DTD1: variants seen among roughly 807,000 people sequenced by gnomAD.
The protein encoded by DTD1 is D-aminoacyl-tRNA deacylase 1.
Under a neutral mutation model 25.6 loss-of-function variants are expected in DTD1, and 13 were observed. The ratio of observed to expected loss-of-function variants is 0.51; its 90% confidence interval spans 0.33 to 0.81. DTD1 has a LOEUF of 0.81. Among genes scored for constraint, DTD1 ranks in the 30% least tolerant of loss-of-function variants. The pLI is 0.02. For missense variants in DTD1, 193 were observed against 266.4 expected, an observed-to-expected ratio of 0.72 and a Z score of 1.92; for synonymous variants, 110 against 103.6, an observed-to-expected ratio of 1.06 and a Z score of -0.37.
Position 18,594,487 on chromosome 20 carries a change from T to G in DTD1, c.134+666T>G, listed in dbSNP as rs528303601. 3.3e-5 allele frequency among the ~76,000 whole-genome samples: 5 copies of G among 152,272 alleles called. No individual in the cohort carries two copies. In the South Asian group the frequency reaches 1.0e-3, roughly 32 times the overall value. ...AAATCCTGCTTAATGATTGTTCACT[T>G]TATAGCTCCCATTCATTCCAGACAT... On this transcript the variant is annotated intron_variant, in intron 2 of 5. Transcript: ENST00000377452.
At chr20:18,747,687 C>T (rs950634183) in intron 5 of DTD1, among the ~76,000 whole-genome samples, 3 of 152,092 alleles carry the variant, frequency 2.0e-5, no homozygotes, top group African/African-American at 7.2e-5. Context: ...AATAGTCTTT[C>T]CTGCAGTGAA....
chr20:18,688,286 C>T (rs1191618522), intron 4 of DTD1, among the ~76,000 whole-genome samples: 6 of 152,230 alleles, frequency 3.9e-5, no homozygotes, highest in Admixed American at 3.9e-4. Flanking sequence ...ACCCTCTCCT[C>T]ACTGAGTCTT....
At chr20:18,761,227 G>C (rs1350465376) in intron 5 of DTD1, among the ~76,000 whole-genome samples, 1 of 152,046 alleles carries the variant, frequency 6.6e-6, no homozygotes, top group Non-Finnish European at 1.5e-5. Flanking sequence ...TGCAGCTACT[G>C]TCCTGCATCC....
At chr20:18,704,001 C>CTTTTTTTT (rs201452682) in intron 4 of DTD1, among the ~76,000 whole-genome samples, 1 of 135,222 alleles carries the variant, frequency 7.4e-6, no homozygotes, top group African/African-American at 2.8e-5. Context: ...TAGTTGGTAG[C>CTTTTTTTT]TTTTTTTTTT....
At chr20:18,673,238 T>G (rs183996646) in intron 4 of DTD1, among the ~76,000 whole-genome samples, 268 of 152,348 alleles carry the variant, frequency 1.8e-3, no homozygotes, top group Middle Eastern at 0.01. Context: ...AATTAATGTT[T>G]TTTCCTCATA....
chr20:18,639,651 C>T (rs571382062), intron 4 of DTD1, among the ~76,000 whole-genome samples: 21 of 152,224 alleles, frequency 1.4e-4, no homozygotes, highest in Middle Eastern at 3.4e-3. Context: ...TCTGTCAAAA[C>T]GAAACACAAA....
chr20:18,622,157 C>T (rs2060737212), intron 3 of DTD1, among the ~76,000 whole-genome samples: 1 of 152,074 alleles, frequency 6.6e-6, no homozygotes, highest in South Asian at 2.1e-4. Context: ...ATGGTGTTTG[C>T]TGCACCTATC....
Position 18,628,193 on chromosome 20 carries a change from A to T in DTD1, c.437A>T (p.Glu146Val), listed in dbSNP as rs2060767068. The T allele has an allele frequency of 6.2e-7, 1 of 1,613,812 alleles. No homozygotes were observed. Among genetic ancestry groups the T allele is most frequent in the African/African-American group, 1.3e-5 (1 of 74,904 alleles). Residue 146 changes from glutamate (E) to valine (V), a missense_variant, in exon 4 of 6, where the codon GAA becomes GTA. Transcript: ENST00000377452. Reference sequence around the variant, plus strand: ...GATGGGCCTGTGACCATAGAGCTGGAATCGCCAGCTCCCGGCACTGCTACC... The same window carrying T: ...GATGGGCCTGTGACCATAGAGCTGGTATCGCCAGCTCCCGGCACTGCTACC... Reference protein sequence around the residue: ...QNDGPVTIELESPAPGTATSD... With the variant: ...QNDGPVTIELVSPAPGTATSD...
intron 4 of DTD1, among the ~76,000 whole-genome samples, chr20:18,671,643 G>A (rs964323908): frequency 2.0e-5 from 3 of 152,338 alleles, no homozygotes; most frequent in East Asian, 1.9e-4. Context: ...TAGAGCAGAT[G>A]TTTTAAAAGG....
intron 5 of DTD1, among the ~76,000 whole-genome samples, chr20:18,755,697 T>A (rs528028403): frequency 1.3e-5 from 2 of 152,366 alleles, no homozygotes; most frequent in South Asian, 4.1e-4. Flanking sequence ...TGGTTCCAAG[T>A]CTTTACTATT....
chr20:18,757,970 A>G (rs1231592529), intron 5 of DTD1, among the ~76,000 whole-genome samples: 2 of 152,120 alleles, frequency 1.3e-5, no homozygotes, highest in Non-Finnish European at 2.9e-5. Flanking sequence ...GTCTATTCAG[A>G]GATTCAACTT....
chr20:18,725,270 C>A (rs892520250), intron 4 of DTD1, among the ~76,000 whole-genome samples: 1 of 152,134 alleles, frequency 6.6e-6, no homozygotes, highest in African/African-American at 2.4e-5. Flanking sequence ...CGTGGTGTTG[C>A]CATGGCAGTA....
rs141428107 is a variant in DTD1, at chr20:18,648,448, G to A, written c.477+20215G>A. Reference sequence around the variant, plus strand: ...AGCGAGGGACCAGGATGACAAGAGAGTGCCCAGTGCCTTGCTTGGGGACCT... The same window carrying A: ...AGCGAGGGACCAGGATGACAAGAGAATGCCCAGTGCCTTGCTTGGGGACCT... On this transcript the variant is annotated intron_variant, in intron 4 of 5. Transcript: ENST00000377452. Among the ~76,000 whole-genome samples the A allele has an allele frequency of 5.9e-3, 902 of 152,304 alleles. 1 individual carries two copies. The highest frequency in any genetic ancestry group is 0.034 in the Middle Eastern group (10 of 294).
chr20:18,683,809 C>T (rs972950268), intron 4 of DTD1, among the ~76,000 whole-genome samples: 1 of 152,160 alleles, frequency 6.6e-6, no homozygotes, highest in African/African-American at 2.4e-5. Flanking sequence ...GCTGACTGGG[C>T]GCCGTGCTTC....
At chr20:18,750,207 T>C (rs939760326) in intron 5 of DTD1, among the ~76,000 whole-genome samples, 10 of 152,054 alleles carry the variant, frequency 6.6e-5, no homozygotes, top group African/African-American at 2.4e-4. Flanking sequence ...ATATTTGGGG[T>C]TTTTTGTTGC....
chr20:18,647,214 T>TA (rs2060853616), intron 4 of DTD1, among the ~76,000 whole-genome samples: 1 of 152,226 alleles, frequency 6.6e-6, no homozygotes, highest in African/African-American at 2.4e-5. Context: ...ACTTTACATA[T>TA]AGAAATTGGG....
chr20:18,713,975 G>A (rs542299812), intron 4 of DTD1, among the ~76,000 whole-genome samples: 1 of 152,274 alleles, frequency 6.6e-6, no homozygotes, highest in South Asian at 2.1e-4. Context: ...TCTGACCTGA[G>A]GAGCCCTGAC....
intron 4 of DTD1, among the ~76,000 whole-genome samples, chr20:18,673,948 C>T (rs2060960071): frequency 1.3e-5 from 2 of 151,278 alleles, no homozygotes; most frequent in South Asian, 2.1e-4. Flanking sequence ...AAAACTTTAT[C>T]GTATTTTTCT....
intron 4 of DTD1, among the ~76,000 whole-genome samples, chr20:18,698,275 G>C (rs1290061417): frequency 6.6e-6 from 1 of 152,178 alleles, no homozygotes; most frequent in Non-Finnish European, 1.5e-5. Flanking sequence ...CTGGGCAATA[G>C]AGTCTGTCGA....
Sources: allele counts gnomAD v4.1 joint callset (sites outside exome capture counted in the v4.1 genomes callset), GRCh38; gene constraint gnomAD v4.1.1; transcripts MANE v1.5; gene names NCBI Gene and HGNC (gene_info 2026-07-23, HGNC 2026-07-21).